TRERF1: variants seen among roughly 807,000 people sequenced by gnomAD.
TRERF1 encodes the protein transcriptional-regulating factor 1.
TRERF1 carries 27 observed loss-of-function variants against 122.9 expected under a neutral mutation model. The observed-to-expected ratio is 0.22, with a 90% CI of 0.16 to 0.30. The LOEUF is 0.30. Among genes scored for constraint, TRERF1 ranks in the 10% least tolerant of loss-of-function variants. The pLI, the probability that TRERF1 is intolerant of heterozygous loss-of-function variation, is 1.00. For missense variants in TRERF1, 1,248 were observed against 1,560.3 expected, an observed-to-expected ratio of 0.80 and a Z score of 3.37; for synonymous variants, 636 against 641.7, an observed-to-expected ratio of 0.99 and a Z score of 0.13.
At chr6:42,256,987 C>T in exon 11 of TRERF1, 1 of 1,614,216 alleles carries the variant, frequency 6.2e-7, no homozygotes, top group Non-Finnish European at 8.5e-7. Flanking sequence ...TCATGGTTTT[C>T]TAGTTCTGGC....
At chr6:42,261,063 A>T (rs1284808641) in intron 8 of TRERF1, among the ~76,000 whole-genome samples, 1 of 141,294 alleles carries the variant, frequency 7.1e-6, no homozygotes, top group Non-Finnish European at 1.5e-5. Context: ...CCCCCAGGGG[A>T]CCCTCCTTAG....
At chr6:42,285,795 T>TA (rs1286722876) in intron 4 of TRERF1, among the ~76,000 whole-genome samples, 1 of 151,980 alleles carries the variant, frequency 6.6e-6, no homozygotes, top group African/African-American at 2.4e-5. Context: ...AAAACTACTT[T>TA]AAAGTTCATA....
intron 2 of TRERF1, among the ~76,000 whole-genome samples, chr6:42,436,811 AAAAATAT>A (rs1239066529): frequency 9.0e-5 from 10 of 111,560 alleles, no homozygotes; most frequent in East Asian, 5.5e-4. Context: ...AAAAAAAAAA[AAAAATAT>A]ATATATATAT....
At chr6:42,448,913 C>T (rs1037283155) in intron 2 of TRERF1, among the ~76,000 whole-genome samples, 1 of 152,142 alleles carries the variant, frequency 6.6e-6, no homozygotes, top group Non-Finnish European at 1.5e-5. Context: ...TATAACCAAC[C>T]CACCCATTAA....
chr6:42,396,556 C>T (rs768554667), intron 2 of TRERF1, among the ~76,000 whole-genome samples: 1 of 152,060 alleles, frequency 6.6e-6, no homozygotes, highest in Admixed American at 6.5e-5. Context: ...TTTATTGTAA[C>T]AGTATGGCTG....
chr6:42,237,323 G>A (rs1772482578), intron 15 of TRERF1, among the ~76,000 whole-genome samples: 1 of 152,136 alleles, frequency 6.6e-6, no homozygotes, highest in African/African-American at 2.4e-5. Flanking sequence ...GATCCAGGAG[G>A]CTCTCATTCT....
At chr6:42,367,799 G>A (rs1456633921) in intron 2 of TRERF1, among the ~76,000 whole-genome samples, 1 of 152,072 alleles carries the variant, frequency 6.6e-6, no homozygotes, top group Admixed American at 6.6e-5. Context: ...TATAGCAGGG[G>A]ACCATTTTTC....
exon 18 of TRERF1, chr6:42,225,427 G>A (rs900198618): frequency 6.6e-6 from 1 of 151,386 alleles, no homozygotes; most frequent in African/African-American, 2.4e-5. Context: ...TAGAAAATAC[G>A]GTCCTCTTGT....
At chr6:42,358,409 G>A (rs548685419) in intron 3 of TRERF1, among the ~76,000 whole-genome samples, 1 of 152,198 alleles carries the variant, frequency 6.6e-6, no homozygotes, top group Non-Finnish European at 1.5e-5. Context: ...TATGACTCTA[G>A]AGAACTCTTA....
intron 4 of TRERF1, among the ~76,000 whole-genome samples, chr6:42,285,253 G>A (rs1171629213): frequency 6.6e-6 from 1 of 152,030 alleles, no homozygotes; most frequent in Non-Finnish European, 1.5e-5. Flanking sequence ...AATTCTGAAT[G>A]GGAGTTCACT....
intron 2 of TRERF1, among the ~76,000 whole-genome samples, chr6:42,366,822 T>C (rs1043165179): frequency 5.3e-5 from 8 of 152,144 alleles, no homozygotes; most frequent in Non-Finnish European, 1.0e-4. Flanking sequence ...AAGAGGGAGA[T>C]GCCTGGGAAA....
intron 4 of TRERF1, among the ~76,000 whole-genome samples, chr6:42,270,093 G>C (rs1254787664): frequency 6.6e-6 from 1 of 152,200 alleles, no homozygotes; most frequent in Non-Finnish European, 1.5e-5. Flanking sequence ...GGCTGAGGAA[G>C]GAGGATCACT....
Position 42,412,851 on chromosome 6 carries a change from T to C in TRERF1, c.-454+38326A>G, listed in dbSNP as rs537357247. 2.0e-5 allele frequency among the ~76,000 whole-genome samples: 3 copies of C among 152,182 alleles called. No individual in the cohort carries two copies. The South Asian group carries it at 6.2e-4, about 32-fold the overall frequency. ...ATCCCAGCTACTAGGGAGGCTGAGG[T>C]GGGAGGATCACTTGAACCCAGAAGT... On this transcript the variant is annotated intron_variant, in intron 2 of 17. Coordinates refer to ENST00000372922, the Ensembl canonical transcript of TRERF1.
At position 42,263,552 on chromosome 6, in the gene TRERF1, A is replaced by G. The variant is rs369757359; in HGVS notation, c.1652T>C (p.Val551Ala). 336 of 1,540,442 alleles carry G rather than the reference A, an allele frequency of 2.2e-4. No homozygotes were observed. Among genetic ancestry groups the G allele is most frequent in the Non-Finnish European group, 2.6e-4 (301 of 1,143,206 alleles). ...TGGTGGCTGGGGCTGAGGCGGCAGG[A>G]CCTTCTCTCCTTCCTCCTACACAGA... The change falls in exon 8 of 18, where the codon GTC becomes GCC. Residue 551 changes from valine (V) to alanine (A), a missense_variant. This residue lies in a region of TRERF1 where 946 missense variants were observed against 1,073.0 expected (regional missense o/e 0.88). Transcript: ENST00000372922. This position sits in a 1 kb window ranked among gnomAD's most constrained non-coding sequence, Gnocchi z 5.6.
intron 3 of TRERF1, among the ~76,000 whole-genome samples, chr6:42,328,642 TG>T (rs1232547541): frequency 1.3e-5 from 2 of 152,180 alleles, no homozygotes. Context: ...TGGAGTTGTC[TG>T]TCTGAACAGC....
At chr6:42,408,398 A>G (rs1205008532) in intron 2 of TRERF1, among the ~76,000 whole-genome samples, 1 of 131,112 alleles carries the variant, frequency 7.6e-6, no homozygotes, top group Non-Finnish European at 1.6e-5. Flanking sequence ...TTTTTGAGAA[A>G]GAGTCTCACT....
chr6:42,294,364 T>G (rs1343167936), intron 4 of TRERF1, among the ~76,000 whole-genome samples: 1 of 151,458 alleles, frequency 6.6e-6, no homozygotes, highest in Non-Finnish European at 1.5e-5. Context: ...TGTATTTTAG[T>G]AGAGACAGGG....
intron 3 of TRERF1, among the ~76,000 whole-genome samples, chr6:42,338,106 T>C (rs1314199401): frequency 6.6e-6 from 1 of 152,154 alleles, no homozygotes; most frequent in Non-Finnish European, 1.5e-5. Context: ...ATCAGCTGGC[T>C]TACATTTTTC....
In TRERF1 at chr6:42,233,434, C is replaced by T. The variant is rs533888093; in HGVS notation, c.3067-542G>A. ...CCGAGTAGCTGGGACTACAGGCGCCCGCCACCACGCCTGGCTAATTTTTTG... is the reference window on the plus strand; with the variant it reads ...CCGAGTAGCTGGGACTACAGGCGCCTGCCACCACGCCTGGCTAATTTTTTG... On this transcript the variant is annotated intron_variant, in intron 16 of 17. Coordinates refer to ENST00000372922, the Ensembl canonical transcript of TRERF1. 1.8e-3 allele frequency among the ~76,000 whole-genome samples: 272 copies of T among 151,932 alleles called. 1 individual carries two copies. Among genetic ancestry groups the T allele is most frequent in the Middle Eastern group, 3.4e-3 (1 of 294 alleles).
Sources: allele counts gnomAD v4.1 joint callset (sites outside exome capture counted in the v4.1 genomes callset), GRCh38; gene constraint gnomAD v4.1.1; regional missense constraint gnomAD v4.1.1; non-coding constraint Gnocchi (gnomAD v3.1); transcripts MANE v1.5; gene names NCBI Gene and HGNC (gene_info 2026-07-23, HGNC 2026-07-21).